Variants in ABCC9 observed in about 807,000 individuals in gnomAD.
ABCC9 encodes the protein ATP binding cassette subfamily C member 9, also known as ATP-binding cassette sub-family C member 9.
ABCC9 carries 95 observed loss-of-function variants against 188.3 expected under a neutral mutation model. The observed-to-expected ratio is 0.50, with a 90% CI of 0.43 to 0.60. The LOEUF (loss-of-function observed/expected upper bound fraction) is 0.60. Among genes scored for constraint, ABCC9 ranks in the 20% least tolerant of loss-of-function variants. The pLI is 0.00. For missense variants in ABCC9, 1,102 were observed against 1,876.3 expected (o/e 0.59, Z 7.62); for synonymous variants, 659 against 652.7 (o/e 1.01, Z -0.15).
intron 15 of ABCC9, among the ~76,000 whole-genome samples, chr12:21,887,267 A>G (rs1191694790): frequency 6.6e-6 from 1 of 152,208 alleles, no homozygotes; most frequent in African/African-American, 2.4e-5. Flanking sequence ...GGATAAATGA[A>G]CTGGTCTACA....
intron 31 of ABCC9, among the ~76,000 whole-genome samples, chr12:21,827,585 CAAGG>C (rs1380179860): frequency 1.4e-5 from 2 of 142,956 alleles, no homozygotes; most frequent in Non-Finnish European, 1.5e-5. Context: ...CATATCAAAA[CAAGG>C]AATTAAAGCA....
At chr12:21,930,979 G>C (rs191686275) in intron 4 of ABCC9, among the ~76,000 whole-genome samples, 1 of 152,196 alleles carries the variant, frequency 6.6e-6, no homozygotes, top group Admixed American at 6.5e-5. Context: ...AGAAAAATTA[G>C]TTCATATTTT....
chr12:21,939,593 CT>C (rs1487827373), intron 2 of ABCC9, among the ~76,000 whole-genome samples: 2 of 152,146 alleles, frequency 1.3e-5, no homozygotes, highest in African/African-American at 4.8e-5. Flanking sequence ...AGCTCCACCC[CT>C]TCTGGAGCTG....
chr12:21,934,913 A>G (rs1180870094), intron 3 of ABCC9, among the ~76,000 whole-genome samples: 1 of 152,132 alleles, frequency 6.6e-6, no homozygotes, highest in East Asian at 1.9e-4. Flanking sequence ...AATATATTCT[A>G]CTAGAACTTA....
intron 2 of ABCC9, among the ~76,000 whole-genome samples, 183 bp downstream of exon 2, chr12:21,940,527 A>G (rs1949649487): frequency 6.6e-6 from 1 of 152,222 alleles, no homozygotes; most frequent in Non-Finnish European, 1.5e-5. Flanking sequence ...ATCACTGGCA[A>G]AAATGACCAC....
At chr12:21,827,070 A>T (rs2137258991) in intron 31 of ABCC9, 1 of 959,984 alleles carries the variant, frequency 1.0e-6, no homozygotes, top group South Asian at 4.8e-5. Context: ...CAAGATACAG[A>T]GTCTATTATA....
At chr12:21,864,532 T>C (rs1945688371) in intron 18 of ABCC9, 55 bp from the exon 19 acceptor site, 1 of 1,221,060 alleles carries the variant, frequency 8.2e-7, no homozygotes, top group Admixed American at 1.7e-5. Context: ...ATAGAACCAA[T>C]GTGCATACAC....
chr12:21,828,512 G>C (rs929306037), intron 31 of ABCC9: 1 of 250,926 alleles, frequency 4.0e-6, no homozygotes, highest in Non-Finnish European at 7.9e-6. Context: ...ATGCAAGACA[G>C]AAGGCAACAG....
At chr12:21,829,405 G>T (rs1397818006) in intron 30 of ABCC9, among the ~76,000 whole-genome samples, 11 of 151,906 alleles carry the variant, frequency 7.2e-5, no homozygotes, top group East Asian at 1.9e-4. Flanking sequence ...GTTTCACCGT[G>T]TTAGCCAGGA....
intron 4 of ABCC9, among the ~76,000 whole-genome samples, chr12:21,930,257 T>C (rs1301148881): frequency 2.0e-5 from 3 of 152,178 alleles, no homozygotes; most frequent in Admixed American, 2.0e-4. Context: ...ATCTTTATTC[T>C]ACAGGTTATT....
At chr12:21,849,533 A>AG (rs1715664848) in intron 24 of ABCC9, among the ~76,000 whole-genome samples, 1 of 152,192 alleles carries the variant, frequency 6.6e-6, no homozygotes, top group Admixed American at 6.6e-5. Flanking sequence ...CATAATGAAA[A>AG]GTAGATTTGA....
In ABCC9 at chr12:21,915,381, T is replaced by C. The variant is rs1217772326; in HGVS notation, c.816+287A>G. ...TAATGTGTATATATGTGTGTATATA[T>C]AGACATGTGTATATATGTATGTGTA... On this transcript the variant is annotated intron_variant, in intron 7 of 39. Transcript: ENST00000261200. 4.1e-4 allele frequency among the ~76,000 whole-genome samples: 58 copies of C among 140,608 alleles called. 1 individual carries two copies. Among genetic ancestry groups the C allele is most frequent in the South Asian group, 2.0e-3 (9 of 4,406 alleles). 92.2% of individuals were successfully genotyped at this position (140,608 alleles called of 152,430 possible).
At chr12:21,869,507 A>G (rs1173748440) in intron 18 of ABCC9, 2 of 152,158 alleles carry the variant, frequency 1.3e-5, no homozygotes, top group Non-Finnish European at 1.5e-5. Flanking sequence ...TTAAACTTCT[A>G]CAATATTTTC....
At chr12:21,810,053 A>AT in intron 36 of ABCC9, 98 bp from the exon 37 acceptor site, 1 of 815,000 alleles carries the variant, frequency 1.2e-6, no homozygotes, top group East Asian at 2.6e-5. Context: ...TGTAAGTTCC[A>AT]TTTGTTTTGG....
chr12:21,931,415 A>C (rs1219139532), intron 4 of ABCC9, among the ~76,000 whole-genome samples: 2 of 152,054 alleles, frequency 1.3e-5, no homozygotes, highest in Non-Finnish European at 2.9e-5. Context: ...AAAAAGAAGT[A>C]ACTAGAAGAT....
Position 21,812,107 on chromosome 12 carries a change from G to A in ABCC9, c.4153C>T (p.Leu1385=). The A allele has an allele frequency of 6.2e-7, 1 of 1,613,436 alleles. No homozygotes were observed. The highest frequency in any genetic ancestry group is 8.5e-7 in the Non-Finnish European group (1 of 1,179,496). The change falls in exon 36 of 40, where the codon CTA becomes TTA. Residue 1385 remains leucine, a synonymous_variant. Coordinates refer to ENST00000261200, the MANE Select transcript of ABCC9 (RefSeq NM_020297.4). ...IDISKLPLHT[L]RSRLSIILQD... Reference sequence around the variant, plus strand: ...AGAATGATTGAAAGTCTAGAACGTAGTGTGTGCAGTGGTAATTTGGAAATG... The same window carrying A: ...AGAATGATTGAAAGTCTAGAACGTAATGTGTGCAGTGGTAATTTGGAAATG...
At chr12:21,840,502 C>T (rs571562363) in intron 29 of ABCC9, among the ~76,000 whole-genome samples, 2 of 152,170 alleles carry the variant, frequency 1.3e-5, no homozygotes, top group South Asian at 4.1e-4. Flanking sequence ...GAATATTTTC[C>T]CAAACTTTGC....
chr12:21,819,196 C>T (rs1942875597), intron 31 of ABCC9, among the ~76,000 whole-genome samples: 1 of 152,076 alleles, frequency 6.6e-6, no homozygotes, highest in African/African-American at 2.4e-5. Flanking sequence ...AAAAACTTCT[C>T]ATGTTAATGT....
At chr12:21,896,164 T>C (rs1179508072) in intron 12 of ABCC9, among the ~76,000 whole-genome samples, 1 of 151,274 alleles carries the variant, frequency 6.6e-6, no homozygotes, top group Non-Finnish European at 1.5e-5. Context: ...GCAGGTTAGT[T>C]ACATATGTAT....
Sources: allele counts gnomAD v4.1 joint callset (sites outside exome capture counted in the v4.1 genomes callset), GRCh38; gene constraint gnomAD v4.1.1; transcripts MANE v1.5; gene names NCBI Gene and HGNC (gene_info 2026-07-23, HGNC 2026-07-21).